Variants in CHRNA7 observed in about 807,000 individuals in gnomAD.
CHRNA7 encodes the protein neuronal acetylcholine receptor subunit alpha-7.
CHRNA7 carries 17 observed loss-of-function variants against 48.0 expected under a neutral mutation model. That is an observed-to-expected ratio of 0.35 (90% CI 0.24 to 0.53). CHRNA7 has a LOEUF of 0.53. Ranked by LOEUF, CHRNA7 falls within the 20% of genes least tolerant of loss-of-function variation. The pLI is 0.92. For missense variants in CHRNA7, 155 were observed against 577.7 expected, an observed-to-expected ratio of 0.27 and a Z score of 7.50; for synonymous variants, 75 against 242.3, an observed-to-expected ratio of 0.31 and a Z score of 6.41.
chr15:32,049,025 G>GTCTGAAAGACAGTTTGTTACAATT (rs1457140245), intron 2 of CHRNA7, among the ~76,000 whole-genome samples: 1 of 102,042 alleles, frequency 9.8e-6, no homozygotes, highest in Admixed American at 9.8e-5. Context: ...TTGCACTGTG[G>GTCTGAAAGACAGTTTGTTACAATT]TCTGTTCTTT....
At chr15:32,130,415 T>A (rs1450473302) in intron 4 of CHRNA7, among the ~76,000 whole-genome samples, 1 of 151,842 alleles carries the variant, frequency 6.6e-6, no homozygotes, top group Non-Finnish European at 1.5e-5. Context: ...GCTTTTATCA[T>A]TATGTAAATT....
intron 2 of CHRNA7, among the ~76,000 whole-genome samples, chr15:32,051,689 G>C (rs1238679033): frequency 1.3e-5 from 2 of 152,204 alleles, no homozygotes; most frequent in African/African-American, 4.8e-5. Flanking sequence ...ACTCCCTAGT[G>C]AGATGAACCT....
intron 4 of CHRNA7, among the ~76,000 whole-genome samples, chr15:32,137,547 T>C (rs1425586718): frequency 2.0e-5 from 3 of 152,178 alleles, no homozygotes; most frequent in South Asian, 4.1e-4. Flanking sequence ...CTTTTAGTAA[T>C]TGATAGTGTA....
At chr15:32,095,567 A>G (rs562443163) in intron 2 of CHRNA7, among the ~76,000 whole-genome samples, 2 of 152,268 alleles carry the variant, frequency 1.3e-5, no homozygotes, top group East Asian at 1.9e-4. Flanking sequence ...GCCTCATGTA[A>G]TAGAAGACAT....
chr15:32,101,761 C>T (rs1045175926), intron 3 of CHRNA7: 2 of 166,722 alleles, frequency 1.2e-5, no homozygotes, highest in African/African-American at 2.4e-5. Flanking sequence ...CAGAGGCCCT[C>T]GTACTTTGTG....
At chr15:32,031,161 G>A in intron 2 of CHRNA7, 124 bp downstream of exon 2, 1 of 1,118,916 alleles carries the variant, frequency 8.9e-7, no homozygotes, top group South Asian at 1.5e-5. Context: ...CCCAAGCTAG[G>A]CAGGGCCATG....
intron 2 of CHRNA7, among the ~76,000 whole-genome samples, chr15:32,036,417 A>G (rs1902088624): frequency 6.6e-6 from 1 of 152,198 alleles, no homozygotes. Context: ...TTTTACGTGA[A>G]CATAAGGTTT....
At chr15:32,148,062 C>T (rs999081154) in intron 4 of CHRNA7, among the ~76,000 whole-genome samples, 1 of 152,172 alleles carries the variant, frequency 6.6e-6, no homozygotes, top group Non-Finnish European at 1.5e-5. Context: ...TCTTGCCCTT[C>T]TCTCTCTCAG....
chr15:32,070,121 T>C (rs906785334), intron 2 of CHRNA7, among the ~76,000 whole-genome samples: 1 of 152,222 alleles, frequency 6.6e-6, no homozygotes, highest in South Asian at 2.1e-4. Flanking sequence ...AGTTTAAGTA[T>C]ACAGGTTGAT....
In CHRNA7 at chr15:32,128,071, A is replaced by G. The variant is rs1278655735; in HGVS notation, c.350+16172A>G. On this transcript the variant is annotated intron_variant, in intron 4 of 9. Coordinates refer to ENST00000306901, the MANE Select transcript of CHRNA7 (RefSeq NM_000746.6). ...TCCAGGTCCACTCATTGAGAAGACT[A>G]TATTCCTCTTCTGAATTGCTTTGAA... is the stretch of plus-strand genomic sequence containing the variant. Among the ~76,000 whole-genome samples, 5 of 152,158 alleles carry G rather than the reference A, an allele frequency of 3.3e-5. No homozygotes were observed. The East Asian group carries it at 9.6e-4, about 29-fold the overall frequency.
At chr15:32,068,723 G>A (rs11634369) in intron 2 of CHRNA7, among the ~76,000 whole-genome samples, 120,117 of 150,890 alleles carry the variant, frequency 0.8, 49,463 homozygotes, top group South Asian at 0.91. Context: ...ACTCCATCTC[G>A]GGGAAAAAAA....
chr15:32,031,174 C>A, intron 2 of CHRNA7, 137 bp downstream of exon 2: 1 of 1,004,604 alleles, frequency 1.0e-6, no homozygotes, highest in Non-Finnish European at 1.5e-6. Flanking sequence ...GGGCCATGCT[C>A]TGAGTCTGTC....
chr15:32,036,629 A>G (rs925177215), intron 2 of CHRNA7, among the ~76,000 whole-genome samples: 6 of 152,242 alleles, frequency 3.9e-5, no homozygotes, highest in South Asian at 2.1e-4. Flanking sequence ...AAGCATTCCA[A>G]TAGGTGTGTA....
chr15:32,049,601 A>G (rs902432943), intron 2 of CHRNA7, among the ~76,000 whole-genome samples: 2 of 152,086 alleles, frequency 1.3e-5, no homozygotes, highest in African/African-American at 4.8e-5. Context: ...TCTTTATCCA[A>G]TTTGCCAGTC....
At chr15:32,091,594 C>G (rs1477517177) in intron 2 of CHRNA7, among the ~76,000 whole-genome samples, 2 of 152,198 alleles carry the variant, frequency 1.3e-5, no homozygotes, top group African/African-American at 4.8e-5. Flanking sequence ...GACTAACTTG[C>G]TTCTTTCTTG....
intron 4 of CHRNA7, among the ~76,000 whole-genome samples, chr15:32,150,082 C>T (rs10851694): frequency 0.23 from 34,556 of 151,990 alleles, 4,659 homozygotes; most frequent in Middle Eastern, 0.32. Flanking sequence ...GACAGGGTCT[C>T]GCTCTGTCTC....
At chr15:32,129,454 C>T (rs564571680) in intron 4 of CHRNA7, among the ~76,000 whole-genome samples, 2 of 151,960 alleles carry the variant, frequency 1.3e-5, no homozygotes, top group African/African-American at 2.4e-5. Context: ...GGATCTTCAG[C>T]TTATTTATAG....
At chr15:32,113,110 CAG>C (rs1292979785) in intron 4 of CHRNA7, among the ~76,000 whole-genome samples, 1 of 152,152 alleles carries the variant, frequency 6.6e-6, no homozygotes, top group African/African-American at 2.4e-5. Context: ...GCTACAGACT[CAG>C]AGCCTTAAAC....
At chr15:32,142,485 C>T (rs575568478) in intron 4 of CHRNA7, among the ~76,000 whole-genome samples, 9 of 152,038 alleles carry the variant, frequency 5.9e-5, no homozygotes, top group Admixed American at 3.3e-4. Context: ...GAATAGTTTC[C>T]GAAGAAATGG....
Sources: allele counts gnomAD v4.1 joint callset (sites outside exome capture counted in the v4.1 genomes callset), GRCh38; gene constraint gnomAD v4.1.1; transcripts MANE v1.5; gene names NCBI Gene and HGNC (gene_info 2026-07-23, HGNC 2026-07-21).